Variants in MCTP1 observed in about 807,000 individuals in gnomAD.
MCTP1 encodes multiple C2 and transmembrane domain containing 1.
In MCTP1, 69 loss-of-function variants were observed where a neutral mutation model predicts 120.6. The ratio of observed to expected loss-of-function variants is 0.57; its 90% CI spans 0.47 to 0.70. The LOEUF (loss-of-function observed/expected upper bound fraction) is 0.70. Among genes scored for constraint, MCTP1 ranks in the 30% least tolerant of loss-of-function variants. MCTP1 has a pLI of 0.00. For synonymous variants in MCTP1, 529 were observed against 493.1 expected (o/e 1.07, Z -0.96); for missense variants, 1,203 against 1,248.8 (o/e 0.96, Z 0.55).
chr5:94,952,608 A>C (rs1216969844), intron 3 of MCTP1, among the ~76,000 whole-genome samples: 1 of 152,214 alleles, frequency 6.6e-6, no homozygotes, highest in Non-Finnish European at 1.5e-5. Context: ...GTACCTAGAG[A>C]TGTAAATTAA....
At chr5:94,870,997 C>CCTCT (rs1797748351) in intron 14 of MCTP1, 24 bp from the exon 15 acceptor site, 1 of 1,583,244 alleles carries the variant, frequency 6.3e-7, no homozygotes, top group Non-Finnish European at 8.7e-7. Flanking sequence ...ACATGACAGC[C>CCTCT]GTCTGTCTCG....
chr5:94,733,210 A>G (rs1473606576), intron 19 of MCTP1, among the ~76,000 whole-genome samples: 1 of 152,216 alleles, frequency 6.6e-6, no homozygotes. Context: ...AGAGCAAAGA[A>G]TTTTCCATTA....
At chr5:95,080,514 C>T (rs748365778) in intron 1 of MCTP1, among the ~76,000 whole-genome samples, 2 of 152,078 alleles carry the variant, frequency 1.3e-5, no homozygotes, top group Admixed American at 6.5e-5. Context: ...AACCTCAAGT[C>T]GTTAATATCT....
At chr5:94,970,368 G>T (rs1228054171) in intron 2 of MCTP1, among the ~76,000 whole-genome samples, 1 of 151,912 alleles carries the variant, frequency 6.6e-6, no homozygotes, top group Non-Finnish European at 1.5e-5. Flanking sequence ...GGATGTATTT[G>T]GGATATACTT....
rs1760617233 is a variant in MCTP1, at chr5:95,284,692, G to A, written c.-117C>T. On this transcript the variant is annotated 5_prime_UTR_variant, in exon 1 of 23. Coordinates refer to ENST00000515393, the MANE Select transcript of MCTP1 (RefSeq NM_024717.7). This position sits in a 1 kb window ranked among gnomAD's most constrained non-coding sequence, Gnocchi z 5.2. ...CGGCGCTGGCGGTGGCGGCGGCGGC[G>A]GCGGCGGGCGCAGCAGCAGAAACCG... 5 of 886,448 alleles carry A rather than the reference G, an allele frequency of 5.6e-6. No homozygotes were observed. The South Asian group carries it at 1.1e-4, about 19-fold the overall frequency. 54.9% of individuals were successfully genotyped at this position (886,448 alleles called of 1,614,324 possible).
At chr5:94,873,742 G>C (rs1199160151) in intron 12 of MCTP1, among the ~76,000 whole-genome samples, 1 of 151,716 alleles carries the variant, frequency 6.6e-6, no homozygotes, top group Admixed American at 6.6e-5. Flanking sequence ...TATTTTAATT[G>C]GACTAAGATT....
chr5:95,230,228 A>ATG (rs745556810), intron 1 of MCTP1, among the ~76,000 whole-genome samples: 187 of 114,700 alleles, frequency 1.6e-3, no homozygotes, highest in Middle Eastern at 9.0e-3. Context: ...ACATACATAT[A>ATG]TGTGTGTGTG....
intron 5 of MCTP1, among the ~76,000 whole-genome samples, chr5:94,936,391 G>A (rs1259668280): frequency 6.6e-6 from 1 of 152,048 alleles, no homozygotes; most frequent in Non-Finnish European, 1.5e-5. Flanking sequence ...AAGTAACACT[G>A]AAGAAAGCCT....
chr5:94,765,029 T>C (rs1772251846), intron 19 of MCTP1, among the ~76,000 whole-genome samples: 1 of 152,020 alleles, frequency 6.6e-6, no homozygotes, highest in South Asian at 2.1e-4. Flanking sequence ...TCACAAGATC[T>C]GAAACCATAT....
intron 1 of MCTP1, among the ~76,000 whole-genome samples, chr5:95,264,751 G>A (rs1348797563): frequency 1.3e-5 from 2 of 152,192 alleles, no homozygotes; most frequent in African/African-American, 4.8e-5. Flanking sequence ...TCACTGCCAA[G>A]CATGGTCTTT....
At chr5:95,189,046 A>G (rs1404321537) in intron 1 of MCTP1, among the ~76,000 whole-genome samples, 1 of 152,200 alleles carries the variant, frequency 6.6e-6, no homozygotes, top group Non-Finnish European at 1.5e-5. Context: ...ATACAATCTC[A>G]TAGTAGCATT....
intron 2 of MCTP1, 57 bp from the exon 3 acceptor site, chr5:94,953,418 A>AC (rs1242876580): frequency 7.2e-7 from 1 of 1,384,622 alleles, no homozygotes; most frequent in East Asian, 2.5e-5. Flanking sequence ...AAGCAAGAGA[A>AC]CCACTCTTTT....
intron 16 of MCTP1, among the ~76,000 whole-genome samples, 178 bp downstream of exon 16, chr5:94,870,239 A>C (rs1797577478): frequency 6.6e-6 from 1 of 152,118 alleles, no homozygotes; most frequent in Non-Finnish European, 1.5e-5. Context: ...GATCTTTTAA[A>C]GAAAGGAAGG....
At chr5:94,970,126 G>A (rs1826465453) in intron 2 of MCTP1, among the ~76,000 whole-genome samples, 1 of 152,004 alleles carries the variant, frequency 6.6e-6, no homozygotes, top group Non-Finnish European at 1.5e-5. Flanking sequence ...GTATGGTAAA[G>A]TGTAGCATAG....
chr5:94,852,029 T>A (rs572923856), intron 17 of MCTP1, among the ~76,000 whole-genome samples: 1 of 152,042 alleles, frequency 6.6e-6, no homozygotes, highest in African/African-American at 2.4e-5. Flanking sequence ...ATCTTTTTCA[T>A]AGAAATGGTT....
At chr5:94,802,044 G>A (rs1692709182) in intron 17 of MCTP1, among the ~76,000 whole-genome samples, 1 of 152,106 alleles carries the variant, frequency 6.6e-6, no homozygotes, top group African/African-American at 2.4e-5. Flanking sequence ...ACCAGAACAT[G>A]GATTGGAGAA....
chr5:95,161,244 T>C (rs531384293), intron 1 of MCTP1, among the ~76,000 whole-genome samples: 2 of 152,248 alleles, frequency 1.3e-5, no homozygotes, highest in Admixed American at 6.5e-5. Context: ...ATATGCATAA[T>C]AGGATAGTAT....
chr5:94,767,135 G>T (rs1328290533), intron 19 of MCTP1, among the ~76,000 whole-genome samples: 1 of 152,192 alleles, frequency 6.6e-6, no homozygotes, highest in Non-Finnish European at 1.5e-5. Context: ...ATCAATAAAT[G>T]TGATACATCA....
At chr5:95,040,453 A>G (rs2151888481) in intron 1 of MCTP1, among the ~76,000 whole-genome samples, 1 of 152,086 alleles carries the variant, frequency 6.6e-6, no homozygotes, top group East Asian at 1.9e-4. Flanking sequence ...AAAAAAAAAA[A>G]AAAAGAAAGA....
Sources: gnomAD v4.1 joint callset for allele counts (sites outside exome capture counted in the v4.1 genomes callset) on GRCh38, gnomAD v4.1.1 for gene constraint, Gnocchi (gnomAD v3.1) non-coding constraint, MANE v1.5 for transcripts, NCBI Gene and HGNC (gene_info 2026-07-23, HGNC 2026-07-21) for gene names.